Variants in FABP12 observed in about 807,000 individuals in gnomAD.
FABP12 encodes the protein fatty acid binding protein 12, also known as fatty acid-binding protein 12.
In FABP12, 19 loss-of-function variants were observed where a neutral mutation model predicts 13.7. That is an observed-to-expected ratio of 1.39 (90% CI 0.97 to 2.04). FABP12 has a LOEUF of 2.04. FABP12 is among the 30% of genes most tolerant of loss of function. The pLI is 0.00. For synonymous variants in FABP12, 61 were observed against 57.0 expected (o/e 1.07, Z -0.32); for missense variants, 182 against 164.2 (o/e 1.11, Z -0.59).
upstream of FABP12, among the ~76,000 whole-genome samples, chr8:81,538,890 C>A (rs1018809386): frequency 6.6e-6 from 1 of 152,054 alleles, no homozygotes; most frequent in African/African-American, 2.4e-5. Context: ...CACTCTGTCA[C>A]CCAGGCAGGA....
At chr8:81,536,363 A>G (rs1293576247), upstream of FABP12, among the ~76,000 whole-genome samples, 1 of 152,218 alleles carries the variant, frequency 6.6e-6, no homozygotes, top group Non-Finnish European at 1.5e-5. Context: ...AGATCTCATA[A>G]CTTTCCTACA....
At chr8:81,531,575 T>C (rs1809076587) in intron 1 of FABP12, among the ~76,000 whole-genome samples, 185 bp from the exon 2 acceptor site, 2 of 152,206 alleles carry the variant, frequency 1.3e-5, no homozygotes, top group Non-Finnish European at 1.5e-5. Context: ...ATATACCTTT[T>C]CCAACACCAA....
Position 81,531,299 on chromosome 8 carries a change from TG to T in FABP12, c.16del (p.Gln6LysfsTer16). 1 of 1,602,316 alleles carries T rather than the reference TG, an allele frequency of 6.2e-7. No individual in the cohort carries two copies. Among genetic ancestry groups the T allele is most frequent in the Non-Finnish European group, 8.5e-7 (1 of 1,173,794 alleles). ...ACAAGAAATGGACTTCCATGTTCCT[TG>T]GAGCTGGTCAATCATTCTGTCTGAG... On this transcript the variant is annotated frameshift_variant, in exon 2 of 5. Transcript: ENST00000360464. LOFTEE classifies it high-confidence loss of function.
chr8:81,529,299 G>T, intron 3 of FABP12, 139 bp downstream of exon 3: 1 of 780,796 alleles, frequency 1.3e-6, no homozygotes, highest in Non-Finnish European at 2.1e-6. Flanking sequence ...TCTTCACATT[G>T]ACATCCTTAG....
chr8:81,569,104 A>G (rs1329588381), intron 1 of FABP12, among the ~76,000 whole-genome samples: 3 of 152,224 alleles, frequency 2.0e-5, no homozygotes, highest in Non-Finnish European at 4.4e-5. Context: ...TAAAAACAAT[A>G]TAATTGGATT....
At chr8:81,575,355 G>C (rs1348476529) in intron 1 of FABP12, among the ~76,000 whole-genome samples, 1 of 152,112 alleles carries the variant, frequency 6.6e-6, no homozygotes, top group East Asian at 1.9e-4. Context: ...ATTGATTGAG[G>C]CTCGTTTTAT....
At chr8:81,567,536 G>A (rs572787652) in intron 1 of FABP12, among the ~76,000 whole-genome samples, 10 of 152,270 alleles carry the variant, frequency 6.6e-5, no homozygotes, top group African/African-American at 2.4e-4. Context: ...TGACAAAGGT[G>A]CCAAGAACAT....
chr8:81,571,887 T>A (rs1301086949), intron 1 of FABP12, among the ~76,000 whole-genome samples: 1 of 152,234 alleles, frequency 6.6e-6, no homozygotes, highest in Non-Finnish European at 1.5e-5. Flanking sequence ...TATCATAACA[T>A]CCTTCCAGAA....
At chr8:81,581,862 C>A (rs1167897253) in intron 1 of FABP12, among the ~76,000 whole-genome samples, 1 of 152,032 alleles carries the variant, frequency 6.6e-6, no homozygotes, top group Non-Finnish European at 1.5e-5. Context: ...CAGTATCTAC[C>A]ATCATGAAAA....
intron 1 of FABP12, among the ~76,000 whole-genome samples, chr8:81,546,569 A>C (rs995375396): frequency 1.3e-5 from 2 of 151,946 alleles, no homozygotes; most frequent in Non-Finnish European, 2.9e-5. Flanking sequence ...AGGCTGAGGC[A>C]GGAGAATGGC....
intron 1 of FABP12, among the ~76,000 whole-genome samples, chr8:81,565,468 T>A (rs779666826): frequency 8.5e-5 from 13 of 152,068 alleles, no homozygotes; most frequent in Admixed American, 1.3e-4. Context: ...TCAAAAAAAA[T>A]TGAAATTATA....
At chr8:81,541,246 C>A (rs1489166203) in intron 1 of FABP12, among the ~76,000 whole-genome samples, 1 of 152,048 alleles carries the variant, frequency 6.6e-6, no homozygotes, top group African/African-American at 2.4e-5. Context: ...TCTGCATCAC[C>A]TGGAAGCTTG....
At chr8:81,569,139 A>G (rs1265695544) in intron 1 of FABP12, among the ~76,000 whole-genome samples, 1 of 152,204 alleles carries the variant, frequency 6.6e-6, no homozygotes, top group Non-Finnish European at 1.5e-5. Flanking sequence ...CAAAAAATAA[A>G]TGTTTTGGGT....
intron 1 of FABP12, among the ~76,000 whole-genome samples, chr8:81,563,479 TA>T (rs1216828791): frequency 6.6e-6 from 1 of 152,064 alleles, no homozygotes; most frequent in Non-Finnish European, 1.5e-5. Context: ...GAGACAGAAA[TA>T]CATAACATTT....
intron 1 of FABP12, among the ~76,000 whole-genome samples, chr8:81,550,504 C>A (rs1225501175): frequency 6.6e-6 from 1 of 152,164 alleles, no homozygotes; most frequent in Non-Finnish European, 1.5e-5. Flanking sequence ...TCCTTCCTCA[C>A]TTCCCCAACC....
At chr8:81,558,570 G>T (rs528636141) in intron 1 of FABP12, among the ~76,000 whole-genome samples, 2 of 152,198 alleles carry the variant, frequency 1.3e-5, no homozygotes, top group African/African-American at 4.8e-5. Flanking sequence ...TCACATAGCC[G>T]AGATACTCTT....
chr8:81,530,751 A>C (rs1415255229), intron 2 of FABP12, among the ~76,000 whole-genome samples: 2 of 152,182 alleles, frequency 1.3e-5, no homozygotes, highest in Admixed American at 6.5e-5. Flanking sequence ...AGCAGATCTC[A>C]AACATAATCA....
intron 1 of FABP12, among the ~76,000 whole-genome samples, chr8:81,577,455 C>T (rs1300771923): frequency 6.6e-6 from 1 of 152,068 alleles, no homozygotes; most frequent in Non-Finnish European, 1.5e-5. Context: ...TTATATGTAT[C>T]TTCTTTTAGA....
chr8:81,588,709 G>A (rs560447677), intron 1 of FABP12, among the ~76,000 whole-genome samples: 1 of 152,248 alleles, frequency 6.6e-6, no homozygotes, highest in South Asian at 2.1e-4. Context: ...GTGAAAGTAA[G>A]CATTCTAGTA....
Sources: gnomAD v4.1 joint callset for allele counts (sites outside exome capture counted in the v4.1 genomes callset) on GRCh38, gnomAD v4.1.1 for gene constraint, MANE v1.5 for transcripts, NCBI Gene and HGNC (gene_info 2026-07-23, HGNC 2026-07-21) for gene names.